Variants in SRGAP2B observed in about 807,000 individuals in gnomAD.
The protein encoded by SRGAP2B is SLIT-ROBO Rho GTPase activating protein 2B.
SRGAP2B carries 9 observed loss-of-function variants against 22.2 expected under a neutral mutation model. That is an observed-to-expected ratio of 0.41 (90% CI 0.24 to 0.71). The LOEUF (loss-of-function observed/expected upper bound fraction) is 0.71. SRGAP2B is among the 30% of genes least tolerant of loss of function. The probability of loss-of-function intolerance (pLI) is 0.35; values close to 1 mark genes in which losing one functional copy is unlikely to be tolerated. For missense variants in SRGAP2B, 114 were observed against 235.8 expected (o/e 0.48, Z 3.38); for synonymous variants, 36 against 87.4 (o/e 0.41, Z 3.28).
intron 3 of SRGAP2B, among the ~76,000 whole-genome samples, chr1:144,964,680 G>C (rs1553611818): frequency 6.6e-6 from 1 of 151,142 alleles, no homozygotes; most frequent in Admixed American, 6.6e-5. Flanking sequence ...TCTAGGCTTA[G>C]CTCTGCCACT....
chr1:145,089,942 A>G (rs1553636064), intron 2 of SRGAP2B, among the ~76,000 whole-genome samples: 1 of 145,372 alleles, frequency 6.9e-6, no homozygotes. Flanking sequence ...CCAAATAAGG[A>G]AACTGAGGCT....
intron 2 of SRGAP2B, among the ~76,000 whole-genome samples, chr1:145,067,180 C>T (rs1183049131): frequency 2.1e-5 from 3 of 145,356 alleles, no homozygotes; most frequent in Non-Finnish European, 4.5e-5. Flanking sequence ...TCCCAGCTAC[C>T]GGGGTGGCTG....
intron 4 of SRGAP2B, among the ~76,000 whole-genome samples, chr1:144,944,147 A>G (rs761608): frequency 2.0e-5 from 3 of 150,014 alleles, no homozygotes; most frequent in African/African-American, 7.5e-5. Context: ...AAACTTCATA[A>G]TCTTCAGAGG....
chr1:145,023,208 G>T (rs1350679163), intron 2 of SRGAP2B, among the ~76,000 whole-genome samples: 2 of 136,412 alleles, frequency 1.5e-5, no homozygotes, highest in South Asian at 2.4e-4. Context: ...TAAAAAGAAG[G>T]CAATGAGAAG....
At chr1:144,992,113 G>A (rs1335074825) in intron 3 of SRGAP2B, among the ~76,000 whole-genome samples, 8 of 149,872 alleles carry the variant, frequency 5.3e-5, no homozygotes, top group South Asian at 2.1e-4. Context: ...AACTCCAGAC[G>A]CGCTGCCTTA....
intron 2 of SRGAP2B, among the ~76,000 whole-genome samples, chr1:145,066,662 G>A (rs481725): frequency 0.015 from 2,217 of 147,314 alleles, 1 homozygote; most frequent in African/African-American, 0.055. Flanking sequence ...CGCCCAGGCC[G>A]TCTGGCTACT....
intron 5 of SRGAP2B, among the ~76,000 whole-genome samples, chr1:144,912,187 C>T (rs1373184171): frequency 2.7e-5 from 4 of 146,634 alleles, no homozygotes; most frequent in East Asian, 2.0e-4. Flanking sequence ...CTCCTGACCT[C>T]GTGATCTGCC....
At chr1:145,061,528 CCA>C (rs1368534872) in intron 2 of SRGAP2B, among the ~76,000 whole-genome samples, 1 of 146,516 alleles carries the variant, frequency 6.8e-6, no homozygotes, top group African/African-American at 2.6e-5. Flanking sequence ...CTTGAAAGAT[CCA>C]CACTTTAAGA....
intron 2 of SRGAP2B, among the ~76,000 whole-genome samples, chr1:145,031,869 T>G (rs1322053018): frequency 1.5e-5 from 2 of 133,258 alleles, no homozygotes; most frequent in Non-Finnish European, 3.2e-5. Flanking sequence ...AAAAAAAAAG[T>G]AAGTTTTGCT....
intron 3 of SRGAP2B, among the ~76,000 whole-genome samples, chr1:144,975,868 CTTTTTT>C: frequency 3.7e-5 from 1 of 27,344 alleles, no homozygotes; most frequent in Non-Finnish European, 5.8e-5. Flanking sequence ...GTTAGTAATT[CTTTTTT>C]TTTTTTTTTT....
chr1:144,994,964 C>T (rs1670557200), intron 3 of SRGAP2B, 44 bp downstream of exon 3: 3 of 1,138,266 alleles, frequency 2.6e-6, no homozygotes, highest in Non-Finnish European at 3.6e-6. Context: ...ACCCTGGACC[C>T]CATATTCCAA....
intron 4 of SRGAP2B, among the ~76,000 whole-genome samples, chr1:144,933,348 A>G (rs587610943): frequency 6.6e-6 from 1 of 150,516 alleles, no homozygotes; most frequent in Admixed American, 6.6e-5. Context: ...AAATATTCAA[A>G]GGGCTATGTT....
At chr1:145,069,286 C>A (rs1459517481) in intron 2 of SRGAP2B, among the ~76,000 whole-genome samples, 2 of 145,972 alleles carry the variant, frequency 1.4e-5, no homozygotes, top group Non-Finnish European at 3.0e-5. Context: ...TATCCTGCAG[C>A]CCCTTCCTTC....
chr1:144,990,887 G>A (rs1278226125), intron 3 of SRGAP2B, among the ~76,000 whole-genome samples: 28 of 151,416 alleles, frequency 1.8e-4, no homozygotes, highest in Non-Finnish European at 2.5e-4. Flanking sequence ...GCCTTCCCGC[G>A]GGGCAGGGCT....
intron 2 of SRGAP2B, among the ~76,000 whole-genome samples, chr1:145,087,887 CA>C (rs1234026297): frequency 1.3e-5 from 2 of 149,712 alleles, no homozygotes; most frequent in African/African-American, 2.5e-5. Context: ...TAGGGTCTTT[CA>C]ATTGCAAGAT....
intron 4 of SRGAP2B, among the ~76,000 whole-genome samples, chr1:144,951,860 A>G (rs1192051967): frequency 1.4e-5 from 2 of 146,698 alleles, no homozygotes; most frequent in East Asian, 2.0e-4. Context: ...AAACATATCT[A>G]TTTTATGTAT....
intron 4 of SRGAP2B, among the ~76,000 whole-genome samples, chr1:144,925,134 C>T (rs1348196123): frequency 6.7e-6 from 1 of 149,344 alleles, no homozygotes; most frequent in Non-Finnish European, 1.5e-5. Context: ...TCCCAAGTAG[C>T]TGGGACTACA....
chr1:144,987,974 G>A (rs1553616308), intron 3 of SRGAP2B, among the ~76,000 whole-genome samples: 1 of 150,854 alleles, frequency 6.6e-6, no homozygotes. Flanking sequence ...GAGCAGGCAG[G>A]CCATGAGTTT....
chr1:144,972,624 A>G (rs1288887442), intron 3 of SRGAP2B, among the ~76,000 whole-genome samples: 12 of 131,470 alleles, frequency 9.1e-5, no homozygotes, highest in Non-Finnish European at 1.3e-4. Context: ...GATGCCCAGG[A>G]ATCTGCCTTT....
Sources: gnomAD v4.1 joint callset for allele counts (sites outside exome capture counted in the v4.1 genomes callset) on GRCh38, gnomAD v4.1.1 for gene constraint, MANE v1.5 for transcripts, NCBI Gene and HGNC (gene_info 2026-07-23, HGNC 2026-07-21) for gene names.